Variants in SV2C observed in about 807,000 individuals in gnomAD.
The protein encoded by SV2C is solute carrier family 22 member B3.
A neutral mutation model predicts 79.7 loss-of-function variants in SV2C; 49 were observed. That is an observed-to-expected ratio of 0.61 (90% CI 0.49 to 0.78). SV2C has a LOEUF of 0.78. SV2C is among the 30% of genes least tolerant of loss of function. The pLI is 0.00. For missense variants in SV2C, 833 were observed against 912.9 expected, an observed-to-expected ratio of 0.91 and a Z score of 1.13; for synonymous variants, 334 against 333.2, an observed-to-expected ratio of 1.00 and a Z score of -0.03.
intron 2 of SV2C, among the ~76,000 whole-genome samples, chr5:76,190,002 G>C (rs1455779770): frequency 6.6e-6 from 1 of 152,106 alleles, no homozygotes; most frequent in Non-Finnish European, 1.5e-5. Flanking sequence ...TAAAAAAGTT[G>C]GGTACAAACA....
chr5:76,111,177 G>C (rs1748084078), intron 1 of SV2C, among the ~76,000 whole-genome samples: 1 of 152,104 alleles, frequency 6.6e-6, no homozygotes, highest in African/African-American at 2.4e-5. Context: ...CTTTTTTGGG[G>C]GAGGAGAAGT....
At chr5:76,017,160 T>C in the SV2C span, among the ~76,000 whole-genome samples, 1 of 152,252 alleles carries the variant, frequency 6.6e-6, no homozygotes, top group Non-Finnish European at 1.5e-5. Context: ...CTCTTAGCTT[T>C]ACCTTCAGCA....
At chr5:75,954,812 A>T in the SV2C span, among the ~76,000 whole-genome samples, 1 of 146,552 alleles carries the variant, frequency 6.8e-6, no homozygotes, top group Non-Finnish European at 1.5e-5. Context: ...AAAGAGAATA[A>T]AATACCTAGG....
chr5:76,210,716 G>T (rs1349636454), intron 4 of SV2C, among the ~76,000 whole-genome samples: 1 of 152,168 alleles, frequency 6.6e-6, no homozygotes, highest in Non-Finnish European at 1.5e-5. Flanking sequence ...GGAGCTGAAA[G>T]CTCCAAGCTT....
intron 1 of SV2C, among the ~76,000 whole-genome samples, chr5:76,106,070 T>G (rs1747900117): frequency 6.6e-6 from 1 of 152,112 alleles, no homozygotes; most frequent in Admixed American, 6.5e-5. Context: ...ATCAATAGCT[T>G]AAATTTAATA....
chr5:75,979,347 T>C, the SV2C span, among the ~76,000 whole-genome samples: 1 of 151,894 alleles, frequency 6.6e-6, no homozygotes. Flanking sequence ...AACAGAAATA[T>C]TCATGACCTG....
chr5:75,878,995 G>C, the SV2C span, among the ~76,000 whole-genome samples: 1 of 152,132 alleles, frequency 6.6e-6, no homozygotes, highest in African/African-American at 2.4e-5. Context: ...TGGTGAGAAT[G>C]GGAGCAAGAA....
upstream of SV2C, chr5:76,078,706 G>A (rs533744321): frequency 3.9e-6 from 2 of 518,022 alleles, no homozygotes; most frequent in South Asian, 1.7e-5. Flanking sequence ...TTCATGCTCG[G>A]TGCCAAAGCT....
At chr5:75,913,918 A>T in the SV2C span, among the ~76,000 whole-genome samples, 3,737 of 152,282 alleles carry the variant, frequency 0.025, 81 homozygotes, top group Middle Eastern at 0.051. Flanking sequence ...TGTGATAAAG[A>T]TCATAGCTAG....
rs1745298555 is a variant in SV2C at position 76,227,844 on chromosome 5, G to A, written c.913+17957G>A. On this transcript the variant is annotated intron_variant, in intron 4 of 12. Transcript: ENST00000502798. ...ATTTCCAGAATGGGTTACCACGCTG[G>A]TGGTGGCCCTAGCTGATGGGCTTGA... 3.3e-5 allele frequency among the ~76,000 whole-genome samples: 5 copies of A among 152,170 alleles called. No homozygotes were observed. The South Asian group carries it at 1.0e-3, about 32-fold the overall frequency.
intron 2 of SV2C, among the ~76,000 whole-genome samples, chr5:76,170,591 T>C (rs1413822125): frequency 2.2e-5 from 3 of 137,894 alleles, no homozygotes; most frequent in East Asian, 4.0e-4. Flanking sequence ...ACTATAAACA[T>C]TGTTCCCTAT....
At chr5:75,999,642 T>C in the SV2C span, among the ~76,000 whole-genome samples, 1 of 108,200 alleles carries the variant, frequency 9.2e-6, no homozygotes, top group Non-Finnish European at 1.9e-5. Flanking sequence ...TGAATTCCTC[T>C]CTTCTCTGCC....
At chr5:76,324,933 A>T (rs1041377255) in intron 12 of SV2C, among the ~76,000 whole-genome samples, 3 of 151,832 alleles carry the variant, frequency 2.0e-5, no homozygotes, top group African/African-American at 7.3e-5. Context: ...TGAGGTGGGA[A>T]GATTGCTTGA....
chr5:76,284,960 G>A (rs1173104281), intron 4 of SV2C, among the ~76,000 whole-genome samples: 1 of 152,212 alleles, frequency 6.6e-6, no homozygotes, highest in Admixed American at 6.5e-5. Flanking sequence ...GACCCCTTTG[G>A]TTCCAAGCAC....
intron 3 of SV2C, among the ~76,000 whole-genome samples, chr5:76,207,721 A>G (rs189357418): frequency 1.3e-5 from 2 of 152,256 alleles, no homozygotes; most frequent in East Asian, 3.9e-4. Flanking sequence ...TACAGCCTCA[A>G]ACTCCTGGAT....
chr5:76,092,962 T>C (rs1273117088), intron 1 of SV2C, among the ~76,000 whole-genome samples: 1 of 152,164 alleles, frequency 6.6e-6, no homozygotes, highest in African/African-American at 2.4e-5. Context: ...CCTACTAGAC[T>C]TTTATACCTT....
At chr5:75,890,354 G>T in the SV2C span, among the ~76,000 whole-genome samples, 2 of 152,100 alleles carry the variant, frequency 1.3e-5, no homozygotes, top group African/African-American at 4.8e-5. Flanking sequence ...CTACAGGATA[G>T]TGTGTCAATC....
intron 9 of SV2C, among the ~76,000 whole-genome samples, chr5:76,296,762 T>C (rs1747782628): frequency 6.6e-6 from 1 of 152,178 alleles, no homozygotes; most frequent in Non-Finnish European, 1.5e-5. Flanking sequence ...AAGAATTCAG[T>C]GGGATGCTTA....
At chr5:75,898,365 T>C in the SV2C span, among the ~76,000 whole-genome samples, 3 of 152,218 alleles carry the variant, frequency 2.0e-5, no homozygotes, top group African/African-American at 7.2e-5. Flanking sequence ...TATGCTGGAT[T>C]ACATTTATTG....
Sources: gnomAD v4.1 joint callset for allele counts (sites outside exome capture counted in the v4.1 genomes callset) on GRCh38, gnomAD v4.1.1 for gene constraint, MANE v1.5 for transcripts, NCBI Gene and HGNC (gene_info 2026-07-23, HGNC 2026-07-21) for gene names.